Variants in SYCE1 observed in about 807,000 individuals in gnomAD.
SYCE1 encodes cancer/testis antigen 76.
SYCE1 carries 37 observed loss-of-function variants against 55.1 expected under a neutral mutation model. The observed-to-expected ratio is 0.67, with a 90% CI of 0.52 to 0.88. SYCE1 has a LOEUF of 0.88. Among genes scored for constraint, SYCE1 ranks in the 40% least tolerant of loss-of-function variants. SYCE1 has a pLI of 0.00. For synonymous variants in SYCE1, 163 were observed against 159.4 expected (o/e 1.02, Z -0.17); for missense variants, 399 against 416.4 (o/e 0.96, Z 0.36).
chr10:133,565,486 C>T lies in SYCE1; in HGVS notation c.44G>A (p.Gly15Glu). The change falls in exon 1 of 13, where the codon GGA (glycine) becomes GAA (glutamate). Residue 15 changes from glycine (G) to glutamate (E), a missense_variant. Transcript: ENST00000343131. ...SLTSKAEPTA[G>E]AVDRAEKAGG... ...GGCCTTCTCAGCCCTGTCCACGGCT[C>T]CTGCGGTGGGCTCGGCCTTCGATGT... 6.5e-7 allele frequency: 1 copy of T among 1,550,314 alleles called. No individual in the cohort carries two copies.
intron 3 of SYCE1, 110 bp from the exon 4 acceptor site, chr10:133,559,061 G>A: frequency 8.3e-7 from 1 of 1,210,934 alleles, no homozygotes; most frequent in Non-Finnish European, 1.2e-6. Context: ...AGATTTTATA[G>A]AGTAGGAAAC....
upstream of SYCE1, among the ~76,000 whole-genome samples, chr10:133,566,388 G>A (rs942525183): frequency 4.6e-5 from 7 of 152,214 alleles, no homozygotes; most frequent in Non-Finnish European, 1.0e-4. Context: ...TAGGGTTTAG[G>A]GTTAGGGCTA....
intron 3 of SYCE1, 128 bp from the exon 4 acceptor site, chr10:133,559,079 C>T: frequency 9.3e-7 from 1 of 1,075,708 alleles, no homozygotes; most frequent in South Asian, 1.6e-5. Context: ...AACGAGGCTT[C>T]CAGCTCTCCT....
chr10:133,566,445 G>T (rs1851935761), upstream of SYCE1, among the ~76,000 whole-genome samples: 1 of 147,136 alleles, frequency 6.8e-6, no homozygotes, highest in South Asian at 2.2e-4. Context: ...TGGGGTTAGG[G>T]TTTAGGGGTT....
intron 1 of SYCE1, chr10:133,564,453 C>G: frequency 1.0e-6 from 1 of 985,262 alleles, no homozygotes; most frequent in Non-Finnish European, 1.2e-6. Flanking sequence ...GAAAGGCTAG[C>G]ACACCGGCGG....
At chr10:133,557,383 C>T (rs1418983654) in intron 6 of SYCE1, 3 of 567,598 alleles carry the variant, frequency 5.3e-6, no homozygotes, top group Non-Finnish European at 9.3e-6. Context: ...AATGCACACA[C>T]ATCTTAGTAT....
chr10:133,562,501 C>T (rs1290706348), intron 1 of SYCE1, among the ~76,000 whole-genome samples: 1 of 151,972 alleles, frequency 6.6e-6, no homozygotes, highest in Admixed American at 6.6e-5. Flanking sequence ...GCCTGAGGTT[C>T]CTTAAAGAAA....
Position 133,556,808 on chromosome 10 carries a change from T to A in SYCE1, c.479A>T (p.Glu160Val). The change falls in exon 8 of 13, where the codon GAA becomes GTA. Residue 160 changes from glutamate (E) to valine (V), a missense_variant. Transcript: ENST00000343131. ...CTGGCCCATCAGATCTTCCAGCTGT[T>A]CCTCGAATGCCAACCTGGGAACCAA... ...KQRQLRLAFE[E>V]QLEDLMGQHK... 6.3e-7 allele frequency: 1 copy of A among 1,582,780 alleles called. No homozygotes were observed. The highest frequency in any genetic ancestry group is 8.6e-7 in the Non-Finnish European group (1 of 1,164,292).
chr10:133,568,127 C>T (rs1440246575), upstream of SYCE1: 1 of 801,990 alleles, frequency 1.2e-6, no homozygotes. Flanking sequence ...ACTGAGGGCG[C>T]CACCCAGCCC....
At chr10:133,567,071 G>A (rs888907237), upstream of SYCE1, among the ~76,000 whole-genome samples, 10 of 151,498 alleles carry the variant, frequency 6.6e-5, no homozygotes, top group African/African-American at 2.2e-4. Context: ...TGGGTGTTAG[G>A]TTTATGGCTA....
chr10:133,559,101 G>T, intron 3 of SYCE1, 150 bp from the exon 4 acceptor site: 1 of 959,304 alleles, frequency 1.0e-6, no homozygotes, highest in Non-Finnish European at 1.6e-6. Flanking sequence ...GCCAGGCTCT[G>T]CTGATAGCAG....
chr10:133,556,327 T>G (rs1177954465), intron 8 of SYCE1: 1 of 559,016 alleles, frequency 1.8e-6, no homozygotes, highest in Non-Finnish European at 3.2e-6. Flanking sequence ...TCTTGGCTGT[T>G]TTCTGGAGGA....
chr10:133,559,134 C>T (rs1416004780), intron 3 of SYCE1, 167 bp downstream of exon 3: 2 of 916,028 alleles, frequency 2.2e-6, no homozygotes, highest in East Asian at 5.2e-5. Flanking sequence ...GGGCATGTAA[C>T]TATGGCAGTC....
At chr10:133,560,874 CCTT>C (rs1340172743) in intron 1 of SYCE1, 2 of 152,134 alleles carry the variant, frequency 1.3e-5, no homozygotes, top group African/African-American at 2.4e-5. Flanking sequence ...ATTCAGTCAT[CCTT>C]CTTCTTACTC....
At chr10:133,565,374 A>C (rs966763487) in intron 1 of SYCE1, 83 bp downstream of exon 1, 2 of 1,278,156 alleles carry the variant, frequency 1.6e-6, no homozygotes, top group Non-Finnish European at 2.1e-6. Context: ...GACAGGAAGA[A>C]GCAGCCGCCA....
intron 1 of SYCE1, among the ~76,000 whole-genome samples, chr10:133,565,104 G>A (rs1255864014): frequency 1.3e-5 from 2 of 152,220 alleles, no homozygotes; most frequent in Non-Finnish European, 1.5e-5. Context: ...TCTAGGGAGA[G>A]GAAGGTGGAA....
Position 133,554,927 on chromosome 10 carries a change from A to G in SYCE1, c.*65T>C, listed in dbSNP as rs539414897. On this transcript the variant is annotated 3_prime_UTR_variant, in exon 13 of 13. Transcript: ENST00000343131. ...GAGGCAGAGTCAAGCCAAGGCTTCA[A>G]TCAGTCACAGGAGACTGGGGATCTT... 208 of 1,473,666 alleles carry G rather than the reference A, an allele frequency of 1.4e-4. 3 individuals are homozygous for G. The South Asian group carries it at 2.9e-3, about 20-fold the overall frequency. 91.3% of individuals were successfully genotyped at this position (1,473,666 alleles called of 1,614,324 possible).
intron 1 of SYCE1, among the ~76,000 whole-genome samples, chr10:133,565,205 G>T (rs1016981972): frequency 6.6e-6 from 1 of 152,180 alleles, no homozygotes; most frequent in African/African-American, 2.4e-5. Flanking sequence ...AACGGGAAGG[G>T]ATGTCTTTTG....
intron 1 of SYCE1, among the ~76,000 whole-genome samples, chr10:133,563,020 C>T (rs903668418): frequency 2.0e-5 from 3 of 152,230 alleles, no homozygotes; most frequent in Non-Finnish European, 4.4e-5. Context: ...GGCACCTGAC[C>T]AAAGTTTGTA....
Sources: gnomAD v4.1 joint callset for allele counts (sites outside exome capture counted in the v4.1 genomes callset) on GRCh38, gnomAD v4.1.1 for gene constraint, MANE v1.5 for transcripts, NCBI Gene and HGNC (gene_info 2026-07-23, HGNC 2026-07-21) for gene names.